AGAP1: variants seen among roughly 807,000 people sequenced by gnomAD.
AGAP1 encodes the protein arf-GAP with GTPase, ANK repeat and PH domain-containing protein 1.
In AGAP1, 29 loss-of-function variants were observed where a neutral mutation model predicts 105.3. The ratio of observed to expected loss-of-function variants is 0.28; its 90% confidence interval spans 0.21 to 0.38. The LOEUF (loss-of-function observed/expected upper bound fraction) is 0.38. Ranked by LOEUF, AGAP1 falls within the 10% of genes least tolerant of loss-of-function variation. AGAP1 has a pLI of 1.00. For synonymous variants in AGAP1, 509 were observed against 485.9 expected (o/e 1.05, Z -0.63); for missense variants, 998 against 1,165.1 (o/e 0.86, Z 2.09).
intron 12 of AGAP1, among the ~76,000 whole-genome samples, chr2:235,933,773 T>C (rs187656402): frequency 0.01 from 1,531 of 151,984 alleles, 16 homozygotes; most frequent in Middle Eastern, 0.031. Context: ...CCTCATGATC[T>C]GCCCGCCTTG....
At position 236,044,277 on chromosome 2, in the gene AGAP1, C is replaced by T. The variant is rs1376492779; in HGVS notation, c.1891+3436C>T. Among the ~76,000 whole-genome samples the T allele has an allele frequency of 6.6e-6, 1 of 152,110 alleles. No homozygotes were observed. Among genetic ancestry groups the T allele is most frequent in the Non-Finnish European group, 1.5e-5 (1 of 68,028 alleles). On this transcript the variant is annotated intron_variant, in intron 15 of 17. Transcript: ENST00000304032. This position sits in a 1 kb window ranked among gnomAD's most constrained non-coding sequence, Gnocchi z 5.7. ...GACAGTGGGGCCTTTGTTTAGGGTG[C>T]CTGTTGCCTGCCTTCTGCCAGGAAC... is the stretch of plus-strand genomic sequence containing the variant.
At chr2:235,682,233 C>T (rs987357301) in intron 1 of AGAP1, among the ~76,000 whole-genome samples, 5 of 152,014 alleles carry the variant, frequency 3.3e-5, no homozygotes, top group South Asian at 4.1e-4. Flanking sequence ...ATAATATGTA[C>T]GTTGTGGACT....
chr2:235,629,863 C>CAAAAA (rs10691632), intron 1 of AGAP1, among the ~76,000 whole-genome samples: 40 of 95,466 alleles, frequency 4.2e-4, no homozygotes, highest in Admixed American at 5.2e-4. Context: ...GACCCTGTCT[C>CAAAAA]AAAAAAAAAA....
chr2:235,656,482 T>A (rs1379185975), intron 1 of AGAP1, among the ~76,000 whole-genome samples: 2 of 152,202 alleles, frequency 1.3e-5, no homozygotes, highest in Non-Finnish European at 2.9e-5. Flanking sequence ...TTCAATCACC[T>A]GCTCCACCCT....
intron 5 of AGAP1, among the ~76,000 whole-genome samples, chr2:235,749,538 T>G (rs188043694): frequency 0.015 from 2,219 of 151,942 alleles, 24 homozygotes; most frequent in Non-Finnish European, 0.02. Context: ...GACTCGCTGC[T>G]CCCCTCTCCA....
chr2:235,928,256 C>A lies in AGAP1; in HGVS notation c.1325-2509C>A, dbSNP rs11686970. On this transcript the variant is annotated intron_variant, in intron 11 of 17. Transcript: ENST00000304032. Reference sequence around the variant, plus strand: ...AAGCGGAACCAGGCCAGGGAAGCCCCGGCAGCCACTCTTGGGAGGCGCCTC... The same window carrying A: ...AAGCGGAACCAGGCCAGGGAAGCCCAGGCAGCCACTCTTGGGAGGCGCCTC... Among the ~76,000 whole-genome samples the A allele has an allele frequency of 5.8e-4, 89 of 152,214 alleles. 1 individual carries two copies. Among genetic ancestry groups the A allele is most frequent in the African/African-American group, 2.0e-3 (81 of 41,538 alleles).
intron 9 of AGAP1, 77 bp downstream of exon 9, chr2:235,807,408 C>G (rs745788370): frequency 7.5e-7 from 1 of 1,326,198 alleles, no homozygotes; most frequent in East Asian, 2.4e-5. Context: ...TGCTGGCTCT[C>G]GCACCAAGGT....
chr2:235,802,861 A>ATGGTGG (rs1402987052), intron 8 of AGAP1, among the ~76,000 whole-genome samples: 1 of 110,312 alleles, frequency 9.1e-6, no homozygotes, highest in African/African-American at 3.6e-5. Context: ...GATGGTTGTG[A>ATGGTGG]TGGTGATGAT....
intron 1 of AGAP1, chr2:235,524,534 C>G (rs1247498703): frequency 1.2e-5 from 4 of 334,544 alleles, no homozygotes; most frequent in Non-Finnish European, 2.5e-5. Context: ...CACCCAGCCC[C>G]CATGGGTAAG....
rs561134723 is a variant in AGAP1, at chr2:236,087,617, G to A, written c.2115-32575G>A. On this transcript the variant is annotated intron_variant, in intron 16 of 17. Transcript: ENST00000304032. This position sits in a 1 kb window ranked among gnomAD's most constrained non-coding sequence, Gnocchi z 5.7. The stretch of plus-strand genomic sequence containing the variant: ...TCTGAATCAGGCCCCTTGGTTAAGC[G>A]TGATAACATGATCACCTGGTGTTTT... Among the ~76,000 whole-genome samples, 5 of 152,262 alleles carry A rather than the reference G, an allele frequency of 3.3e-5. No individual in the cohort carries two copies. Among genetic ancestry groups the A allele is most frequent in the Admixed American group, 6.5e-5 (1 of 15,286 alleles).
At chr2:235,760,365 C>T (rs376114455) in intron 6 of AGAP1, among the ~76,000 whole-genome samples, 11 of 152,254 alleles carry the variant, frequency 7.2e-5, no homozygotes, top group Admixed American at 3.9e-4. Flanking sequence ...GGCGACAGAG[C>T]GAGACTCCGT....
At chr2:235,496,867 A>G (rs557939956) in intron 1 of AGAP1, among the ~76,000 whole-genome samples, 46 of 152,056 alleles carry the variant, frequency 3.0e-4, no homozygotes, top group African/African-American at 7.5e-4. Context: ...GATCCTTGTC[A>G]TTTTTAATAA....
rs1955261005 is a variant in AGAP1, at chr2:235,769,692, G to C, written c.673+19204G>C. Among the ~76,000 whole-genome samples the C allele has an allele frequency of 6.6e-6, 1 of 152,026 alleles. No individual in the cohort carries two copies. Among genetic ancestry groups the C allele is most frequent in the South Asian group, 2.1e-4 (1 of 4,800 alleles). ...AAAATATCGTGGTCAAAATCTCGGGGAGGCAGTGAAAAAAAAACGAAAGCA... is the reference window on the plus strand; with the variant it reads ...AAAATATCGTGGTCAAAATCTCGGGCAGGCAGTGAAAAAAAAACGAAAGCA... On this transcript the variant is annotated intron_variant, in intron 6 of 17. Transcript: ENST00000304032. The surrounding 1 kb of genome is among the most constrained non-coding windows in gnomAD (Gnocchi z 4.4).
At chr2:235,709,918 G>A (rs531385586) in intron 2 of AGAP1, among the ~76,000 whole-genome samples, 97 of 152,254 alleles carry the variant, frequency 6.4e-4, no homozygotes, top group South Asian at 1.7e-3. Context: ...TGGCATTTGT[G>A]TGTATGGTTA....
chr2:235,707,364 C>T (rs1950583837), intron 1 of AGAP1, among the ~76,000 whole-genome samples: 1 of 151,072 alleles, frequency 6.6e-6, no homozygotes, highest in African/African-American at 2.4e-5. Flanking sequence ...TTTCCTGGAG[C>T]AGGGAGTGTT....
chr2:235,548,654 C>CA (rs10643148), intron 1 of AGAP1, among the ~76,000 whole-genome samples: 70,929 of 135,034 alleles, frequency 0.53, 18,184 homozygotes, highest in Admixed American at 0.58. Context: ...ACTCCGTCTT[C>CA]AAAAAAAAAA....
At position 235,990,475 on chromosome 2, in the gene AGAP1, A is replaced by G. The variant is rs146206872; in HGVS notation, c.1645+21852A>G. On this transcript the variant is annotated intron_variant, in intron 13 of 17. Coordinates refer to ENST00000304032, the MANE Select transcript of AGAP1 (RefSeq NM_001037131.3). ...CGAATCCCAGTCACTCGTGTGTTTG[A>G]TGGTTGATGCTGCCTGTTGGGTGGG... is the stretch of plus-strand genomic sequence containing the variant. Among the ~76,000 whole-genome samples, 445 of 152,326 alleles carry G rather than the reference A, an allele frequency of 2.9e-3. 1 individual carries two copies. Among genetic ancestry groups the G allele is most frequent in the Non-Finnish European group, 4.9e-3 (332 of 68,024 alleles).
At chr2:235,815,710 C>T (rs975487323) in intron 9 of AGAP1, among the ~76,000 whole-genome samples, 15 of 152,146 alleles carry the variant, frequency 9.9e-5, no homozygotes, top group African/African-American at 3.4e-4. Flanking sequence ...AGGCCGCATG[C>T]GTTAGATAGG....
rs918365633 is a variant in AGAP1, at chr2:236,053,826, A to T, written c.2114+4545A>T. Among the ~76,000 whole-genome samples, 1 of 152,390 alleles carries T rather than the reference A, an allele frequency of 6.6e-6. No homozygotes were observed. Among genetic ancestry groups the T allele is most frequent in the African/African-American group, 2.4e-5 (1 of 41,602 alleles). ...GAAAGAGCTCTTGAGAGGCGCTTTA[A>T]GCGCAACTGAAATCACCCATTACCT... On this transcript the variant is annotated intron_variant, in intron 16 of 17. Coordinates refer to ENST00000304032, the MANE Select transcript of AGAP1 (RefSeq NM_001037131.3). The surrounding 1 kb of genome is among the most constrained non-coding windows in gnomAD (Gnocchi z 4.6).
Sources: gnomAD v4.1 joint callset for allele counts (sites outside exome capture counted in the v4.1 genomes callset) on GRCh38, gnomAD v4.1.1 for gene constraint, Gnocchi (gnomAD v3.1) non-coding constraint, MANE v1.5 for transcripts, NCBI Gene and HGNC (gene_info 2026-07-23, HGNC 2026-07-21) for gene names.